Variants in TREM1 observed in about 807,000 individuals in gnomAD.
The protein encoded by TREM1 is triggering receptor expressed on monocytes 1.
A neutral mutation model predicts 22.4 loss-of-function variants in TREM1; 16 were observed. The observed-to-expected ratio is 0.71, with a 90% confidence interval of 0.48 to 1.08. The LOEUF (loss-of-function observed/expected upper bound fraction) is 1.08, where lower values mean the gene tolerates loss of function less well. Among genes scored for constraint, TREM1 ranks in the 50% least tolerant of loss-of-function variants. The pLI is 0.00. For synonymous variants in TREM1, 110 were observed against 111.6 expected (o/e 0.99, Z 0.09); for missense variants, 283 against 282.9 (o/e 1.00, Z 0.00).
chr6:41,285,961 G>T (rs1768148878), intron 1 of TREM1, among the ~76,000 whole-genome samples: 1 of 152,222 alleles, frequency 6.6e-6, no homozygotes, highest in African/African-American at 2.4e-5. Flanking sequence ...GGATTAGGAG[G>T]AGGAGTGAAT....
chr6:41,280,794 TC>T, intron 3 of TREM1, 166 bp downstream of exon 3: 1 of 1,474,286 alleles, frequency 6.8e-7, no homozygotes, highest in Non-Finnish European at 9.0e-7. Context: ...CTATTCTCCA[TC>T]ACCACTTCCT....
At chr6:41,286,473 G>A in intron 1 of TREM1, 134 bp downstream of exon 1, 3 of 822,594 alleles carry the variant, frequency 3.6e-6, no homozygotes, top group Non-Finnish European at 5.9e-6. Context: ...ATTCTGGGTA[G>A]AGCAGCACGG....
At chr6:41,283,189 C>T (rs1429062651) in intron 1 of TREM1, among the ~76,000 whole-genome samples, 2 of 152,184 alleles carry the variant, frequency 1.3e-5, no homozygotes, top group East Asian at 1.9e-4. Flanking sequence ...TGAGGAACTT[C>T]ATCTAAGTCA....
intron 1 of TREM1, among the ~76,000 whole-genome samples, chr6:41,283,715 A>ACACACACAC (rs1554147912): frequency 1.2e-3 from 166 of 134,648 alleles, no homozygotes; most frequent in African/African-American, 5.5e-3. Flanking sequence ...CTGTTAAAAA[A>ACACACACAC]AAAAACACAC....
intron 3 of TREM1, among the ~76,000 whole-genome samples, chr6:41,277,366 G>A (rs1581627202): frequency 6.6e-6 from 1 of 152,132 alleles, no homozygotes; most frequent in East Asian, 1.9e-4. Flanking sequence ...GACGGGGGCA[G>A]GGATGGGGCA....
Position 41,282,432 on chromosome 6 carries a change from G to A in TREM1, c.369C>T (p.His123=). Residue 123 remains histidine, a synonymous_variant, in exon 2 of 4, where the codon CAC becomes CAT. Transcript: ENST00000244709. ...CVIYQPPKEP[H]MLFDRIRLVV... is the part of the protein sequence containing the mutation. Reference sequence around the variant, plus strand: ...CCAAGCGGATGCGATCGAACAGCATGTGAGGCTCCTTGGGAGGCTGGTAGA... The same window carrying A: ...CCAAGCGGATGCGATCGAACAGCATATGAGGCTCCTTGGGAGGCTGGTAGA... 2.5e-5 allele frequency: 41 copies of A among 1,613,904 alleles called. No homozygotes were observed. The highest frequency in any genetic ancestry group is 3.5e-5 in the Non-Finnish European group (41 of 1,179,914).
chr6:41,268,236 G>T (rs1420094655), intron 3 of TREM1: 2 of 396,974 alleles, frequency 5.0e-6, no homozygotes, highest in Non-Finnish European at 4.4e-6. Context: ...CTGCTTCTCT[G>T]GCTAGATTAG....
chr6:41,281,067 G>GT lies in TREM1; in HGVS notation c.492dup (p.Leu165ThrfsTer23), dbSNP rs746326708. ...GTCACAGTTCTGGGGCTGGTATAGA[G>GT]TGGGCACAAGGCCTTAGTGGTGGTA... On this transcript the variant is annotated frameshift_variant, in exon 3 of 4. Transcript: ENST00000244709. LOFTEE classifies it high-confidence loss of function. 162 of 1,614,132 alleles carry GT rather than the reference G, an allele frequency of 1.0e-4. No individual in the cohort carries two copies. Among genetic ancestry groups the GT allele is most frequent in the Middle Eastern group, 3.3e-4 (2 of 6,084 alleles).
At chr6:41,279,959 T>G (rs1438490209) in intron 3 of TREM1, 1 of 977,720 alleles carries the variant, frequency 1.0e-6, no homozygotes, top group East Asian at 1.1e-4. Context: ...ACTATATCAA[T>G]GTCTAAGAAC....
downstream of TREM1, among the ~76,000 whole-genome samples, chr6:41,272,433 A>C (rs16894387): frequency 0.17 from 25,423 of 152,132 alleles, 2,405 homozygotes; most frequent in African/African-American, 0.24. Flanking sequence ...GGCCGGGTTC[A>C]AGCCTTTCTG....
chr6:41,268,767 A>G (rs1375061664), downstream of TREM1, among the ~76,000 whole-genome samples: 3 of 152,144 alleles, frequency 2.0e-5, no homozygotes, highest in Admixed American at 2.0e-4. Context: ...AAGTTTTAGT[A>G]TTTATGTAAC....
intron 3 of TREM1, chr6:41,280,738 A>T: frequency 6.9e-7 from 1 of 1,439,274 alleles, no homozygotes; most frequent in Admixed American, 2.8e-5. Context: ...GCAAGGAAAC[A>T]AAGAAGGTGA....
intron 1 of TREM1, among the ~76,000 whole-genome samples, chr6:41,283,105 G>A (rs966115775): frequency 6.6e-6 from 1 of 152,142 alleles, no homozygotes; most frequent in African/African-American, 2.4e-5. Context: ...GGGAGGGATC[G>A]ATTACAAGGG....
intron 1 of TREM1, among the ~76,000 whole-genome samples, chr6:41,284,743 C>A (rs1458176233): frequency 6.6e-6 from 1 of 152,210 alleles, no homozygotes; most frequent in East Asian, 1.9e-4. Context: ...ATGCCCACCC[C>A]AGGATAGGCC....
chr6:41,277,070 A>G (rs1181176958), intron 3 of TREM1, among the ~76,000 whole-genome samples: 1 of 121,462 alleles, frequency 8.2e-6, no homozygotes, highest in Non-Finnish European at 1.9e-5. Context: ...ATTTAAATAA[A>G]ATAAAAAAAA....
Position 41,276,172 on chromosome 6 carries a change from C to T in TREM1, c.658G>A (p.Val220Ile), listed in dbSNP as rs1417057128. Residue 220 changes from valine to isoleucine, a missense_variant, in exon 4 of 4, where the codon GTC becomes ATC. Val to Ile is a conservative substitution (Grantham distance 29). Transcript: ENST00000244709. Reference sequence around the variant, plus strand: ...GTGACAGCAAACAGGACAGAGAAGACCAGGCTCTTACTCAGGAATCCACCA... The same window carrying T: ...GTGACAGCAAACAGGACAGAGAAGATCAGGCTCTTACTCAGGAATCCACCA... ...LAGGFLSKSLVFSVLFAVTLR... is the reference protein window; with the variant it reads ...LAGGFLSKSLIFSVLFAVTLR... 6.2e-7 allele frequency: 1 copy of T among 1,614,118 alleles called. No homozygotes were observed.
chr6:41,282,734 T>C lies in TREM1; in HGVS notation c.67A>G (p.Lys23Glu). ...AGTTCATACTTTTCCTCAGTTAATT[T>C]AGTTGCAGCTCGGAGTTCTATAAGC... ...LFVSELRAAT[K>E]LTEEKYELKE... Residue 23 changes from lysine to glutamate, a missense_variant, in exon 2 of 4, where the codon AAA becomes GAA. By Grantham distance (56) the Lys-to-Glu change is moderately conservative. Coordinates refer to ENST00000244709, the MANE Select transcript of TREM1 (RefSeq NM_018643.5). The C allele has an allele frequency of 6.2e-7, 1 of 1,613,294 alleles. No individual in the cohort carries two copies. Among genetic ancestry groups the C allele is most frequent in the East Asian group, 2.2e-5 (1 of 44,868 alleles).
In TREM1 at chr6:41,281,169, T is replaced by G. The variant is rs746705128; in HGVS notation, c.407-16A>C. The G allele has an allele frequency of 6.2e-7, 1 of 1,610,852 alleles. No individual in the cohort carries two copies. Among genetic ancestry groups the G allele is most frequent in the South Asian group, 1.1e-5 (1 of 90,882 alleles). On this transcript the variant is annotated splice_polypyrimidine_tract_variant and intron_variant, in intron 2 of 3. Transcript: ENST00000244709. Reference sequence around the variant, plus strand: ...CCTGAAAAACCTGCAAGAAGACACATTGGATGGATGGATGGACAGATGGAT... The same window carrying G: ...CCTGAAAAACCTGCAAGAAGACACAGTGGATGGATGGATGGACAGATGGAT...
downstream of TREM1, among the ~76,000 whole-genome samples, chr6:41,273,203 A>G (rs17644657): frequency 0.32 from 49,095 of 152,118 alleles, 9,119 homozygotes; most frequent in East Asian, 0.58. Context: ...TATCCAGGGC[A>G]GTGGCATTGA....
Sources: allele counts gnomAD v4.1 joint callset (sites outside exome capture counted in the v4.1 genomes callset), GRCh38; gene constraint gnomAD v4.1.1; transcripts MANE v1.5; gene names NCBI Gene and HGNC (gene_info 2026-07-23, HGNC 2026-07-21).